KRABD3: variants seen among roughly 807,000 people sequenced by gnomAD.
KRABD3 encodes the protein KRAB domain containing 3.
At chr7:149,726,466 T>G in the KRABD3 span, among the ~76,000 whole-genome samples, 1 of 150,314 alleles carries the variant, frequency 6.7e-6, no homozygotes, top group Non-Finnish European at 1.5e-5. Flanking sequence ...GAGACGAGTC[T>G]AACTCCTGTT....
At chr7:149,721,491 G>A in the KRABD3 span, 1 of 1,612,826 alleles carries the variant, frequency 6.2e-7, no homozygotes, top group African/African-American at 1.3e-5. Context: ...TCGTGTTCCA[G>A]TGGCCCAACT....
chr7:149,719,796 G>A, the KRABD3 span: 21 of 1,275,502 alleles, frequency 1.6e-5, no homozygotes, highest in South Asian at 6.2e-5. This position sits in a 1 kb window ranked among gnomAD's most constrained non-coding sequence, Gnocchi z 5.6. Context: ...GATCGTTCAC[G>A]CTGCTGCTAT....
chr7:149,729,973 C>T, the KRABD3 span: 4 of 1,299,206 alleles, frequency 3.1e-6, no homozygotes, highest in Non-Finnish European at 3.9e-6. Context: ...CAGGCTCTGG[C>T]TTCACTTTTG....
At chr7:149,715,031 G>A in the KRABD3 span, 1 of 1,228,576 alleles carries the variant, frequency 8.1e-7, no homozygotes, top group Non-Finnish European at 1.0e-6. Context: ...AAACCGAGGA[G>A]TGGCGGGGAG....
chr7:149,715,713 G>C, the KRABD3 span, among the ~76,000 whole-genome samples: 2 of 152,178 alleles, frequency 1.3e-5, no homozygotes, highest in Non-Finnish European at 1.5e-5. Flanking sequence ...AGCCATGGAT[G>C]GGGGGCAGCG....
the KRABD3 span, chr7:149,722,994 T>C: frequency 1.3e-5 from 19 of 1,475,636 alleles, no homozygotes; most frequent in East Asian, 4.5e-4. Flanking sequence ...CTCTGAAGCT[T>C]GGTTTGCATT....
chr7:149,732,779 T>A, the KRABD3 span, among the ~76,000 whole-genome samples: 2 of 151,924 alleles, frequency 1.3e-5, no homozygotes, highest in African/African-American at 4.8e-5. The surrounding 1 kb of genome is among the most constrained non-coding windows in gnomAD (Gnocchi z 4.0). Context: ...AGAAGGCCCT[T>A]GGCTTGCCTG....
the KRABD3 span, chr7:149,725,833 G>A: frequency 6.9e-7 from 1 of 1,451,162 alleles, no homozygotes; most frequent in Non-Finnish European, 9.2e-7. Flanking sequence ...CATGGCCCAG[G>A]AGTCTCTTCT....
the KRABD3 span, chr7:149,721,769 C>G: frequency 4.4e-6 from 3 of 678,472 alleles, no homozygotes; most frequent in Non-Finnish European, 8.1e-6. Flanking sequence ...TCATCCCGCC[C>G]CGATCACTGA....
At chr7:149,723,048 C>T in the KRABD3 span, 94 of 1,112,146 alleles carry the variant, frequency 8.5e-5, no homozygotes, top group Admixed American at 2.3e-4. Context: ...CCTTAGGGAT[C>T]GTTACCAGCT....
At chr7:149,724,530 C>T in the KRABD3 span, 17 of 610,660 alleles carry the variant, frequency 2.8e-5, no homozygotes, top group South Asian at 4.3e-4. Context: ...CAGTCTGAGC[C>T]GGTGACTGCC....
chr7:149,734,184 G>C, the KRABD3 span: 24 of 1,242,628 alleles, frequency 1.9e-5, no homozygotes, highest in Non-Finnish European at 2.5e-5. Context: ...CTCGCCCTTT[G>C]TCCCAACTGG....
At chr7:149,721,296 T>A in the KRABD3 span, 1 of 1,467,858 alleles carries the variant, frequency 6.8e-7, no homozygotes, top group South Asian at 1.3e-5. Context: ...TGTTAGTACA[T>A]GGCAAGGAAA....
the KRABD3 span, chr7:149,722,680 C>T: frequency 6.7e-7 from 1 of 1,495,396 alleles, no homozygotes; most frequent in Non-Finnish European, 9.1e-7. Context: ...TCTGCATTCT[C>T]ACGGGTGGGA....
At chr7:149,730,727 GAGA>G in the KRABD3 span, 67 of 964,496 alleles carry the variant, frequency 6.9e-5, no homozygotes, top group African/African-American at 8.4e-4. Context: ...AGCTGTGTCC[GAGA>G]AGGAGGGCGG....
chr7:149,719,984 C>A, the KRABD3 span: 1 of 1,536,508 alleles, frequency 6.5e-7, no homozygotes, highest in Non-Finnish European at 8.8e-7. The surrounding 1 kb of genome is among the most constrained non-coding windows in gnomAD (Gnocchi z 5.6). Context: ...ATTCCCAGGG[C>A]CACAGTTCCC....
chr7:149,719,660 C>T, the KRABD3 span: 1 of 1,607,012 alleles, frequency 6.2e-7, no homozygotes, highest in African/African-American at 1.3e-5. The surrounding 1 kb of genome is among the most constrained non-coding windows in gnomAD (Gnocchi z 5.6). Context: ...CTACGAGACG[C>T]TGGTCTCTGT....
chr7:149,722,461 C>G, the KRABD3 span: 7 of 1,608,164 alleles, frequency 4.4e-6, no homozygotes, highest in East Asian at 1.6e-4. Flanking sequence ...AAGGAAGGCC[C>G]AGGAGCCCTG....
chr7:149,723,938 C>T, the KRABD3 span: 2 of 1,598,226 alleles, frequency 1.3e-6, no homozygotes, highest in Admixed American at 3.4e-5. Flanking sequence ...TCCTACATTA[C>T]CCTGCCCCAG....
Sources: gnomAD v4.1 joint callset for allele counts (sites outside exome capture counted in the v4.1 genomes callset) on GRCh38, gnomAD v4.1.1 for gene constraint, Gnocchi (gnomAD v3.1) non-coding constraint, MANE v1.5 for transcripts, NCBI Gene and HGNC (gene_info 2026-07-23, HGNC 2026-07-21) for gene names.